Variants in SLC27A2 observed in about 807,000 individuals in gnomAD.
SLC27A2 encodes solute carrier family 27 member 2.
SLC27A2 carries 54 observed loss-of-function variants against 60.0 expected under a neutral mutation model. The observed-to-expected ratio is 0.90, with a 90% CI of 0.72 to 1.13. The LOEUF (loss-of-function observed/expected upper bound fraction) is 1.13, where lower values mean the gene tolerates loss of function less well. SLC27A2 is among the 50% of genes most tolerant of loss of function. The probability of loss-of-function intolerance (pLI) is 0.00; values close to 1 mark genes in which losing one functional copy is unlikely to be tolerated. For synonymous variants in SLC27A2, 297 were observed against 297.6 expected (o/e 1.00, Z 0.02); for missense variants, 739 against 777.6 (o/e 0.95, Z 0.59).
intron 2 of SLC27A2, among the ~76,000 whole-genome samples, chr15:50,200,037 A>C (rs2045052354): frequency 6.6e-6 from 1 of 152,264 alleles, no homozygotes; most frequent in African/African-American, 2.4e-5. Context: ...AAATTATATA[A>C]TAGTTACCAG....
At chr15:50,217,620 C>T (rs1013406603) in intron 4 of SLC27A2, among the ~76,000 whole-genome samples, 1 of 152,064 alleles carries the variant, frequency 6.6e-6, no homozygotes. Context: ...TAGCAGTAGC[C>T]CCCTCACCCT....
chr15:50,184,723 A>G (rs1465025256), intron 1 of SLC27A2, among the ~76,000 whole-genome samples: 4 of 151,940 alleles, frequency 2.6e-5, no homozygotes, highest in African/African-American at 9.7e-5. Context: ...TGTAATCCCA[A>G]CTACCTGGGA....
chr15:50,230,635 T>G (rs1181697946), intron 8 of SLC27A2, among the ~76,000 whole-genome samples: 1 of 152,132 alleles, frequency 6.6e-6, no homozygotes, highest in Non-Finnish European at 1.5e-5. Flanking sequence ...CACATCTTGA[T>G]GTGAGAGGGG....
chr15:50,219,091 T>C (rs1470993914), intron 4 of SLC27A2, among the ~76,000 whole-genome samples: 2 of 152,330 alleles, frequency 1.3e-5, no homozygotes, highest in East Asian at 3.9e-4. Context: ...CAGAATAATG[T>C]GAACACTGAA....
At chr15:50,229,169 G>A in intron 8 of SLC27A2, 127 bp downstream of exon 8, 1 of 634,064 alleles carries the variant, frequency 1.6e-6, no homozygotes, top group Non-Finnish European at 2.8e-6. Flanking sequence ...CTGCCAGGGA[G>A]TAAGGAGCTT....
At chr15:50,215,201 T>C (rs951027627) in intron 4 of SLC27A2, among the ~76,000 whole-genome samples, 11 of 151,948 alleles carry the variant, frequency 7.2e-5, no homozygotes, top group Non-Finnish European at 1.5e-4. Context: ...AATCAAGAAC[T>C]CAACCCCTTT....
chr15:50,190,151 C>G (rs566942491), intron 1 of SLC27A2, among the ~76,000 whole-genome samples: 1 of 152,286 alleles, frequency 6.6e-6, no homozygotes, highest in Non-Finnish European at 1.5e-5. Flanking sequence ...GTACAAAATA[C>G]TGTCATTCCA....
intron 8 of SLC27A2, among the ~76,000 whole-genome samples, chr15:50,229,622 C>A (rs1393902371): frequency 6.6e-6 from 1 of 152,096 alleles, no homozygotes; most frequent in Non-Finnish European, 1.5e-5. Context: ...TGACTGCAGG[C>A]AAATCACTAA....
rs2045352072 is a variant in SLC27A2 at position 50,236,272 on chromosome 15, G to GAGAT, written c.*177_*180dup. 6.1e-6 allele frequency: 3 copies of GAGAT among 487,934 alleles called. No homozygotes were observed. Among genetic ancestry groups the GAGAT allele is most frequent in the Admixed American group, 3.9e-5 (1 of 25,892 alleles). The allele number at this position is 487,934 out of a possible 1,614,324, so 30.2% of individuals were successfully genotyped here. A position where few individuals can be genotyped will look rare whatever the true frequency, so the allele number is the denominator to read the frequency against. ...GAGTCTTTGCAAGTAAAAAGATTTA[G>GAGAT]AGATTATTATTTTTCAGTGTGCACC... is the stretch of plus-strand genomic sequence containing the variant. On this transcript the variant is annotated 3_prime_UTR_variant, in exon 10 of 10. Coordinates refer to ENST00000267842, the MANE Select transcript of SLC27A2 (RefSeq NM_003645.4).
rs150857585 is a variant in SLC27A2 at position 50,224,151 on chromosome 15, G to A, written c.1167+992G>A. 2.2e-4 allele frequency among the ~76,000 whole-genome samples: 33 copies of A among 152,272 alleles called. 1 individual carries two copies. In the East Asian group the frequency reaches 6.4e-3, roughly 29 times the overall value. On this transcript the variant is annotated intron_variant, in intron 5 of 9. Coordinates refer to ENST00000267842, the MANE Select transcript of SLC27A2 (RefSeq NM_003645.4). The stretch of plus-strand genomic sequence containing the variant: ...GATAAGGGAAAAGGATTGTTGAAAG[G>A]ATTAAACAGCCAGGCGCAGCGGCTC...
intron 7 of SLC27A2, among the ~76,000 whole-genome samples, chr15:50,228,368 C>A: frequency 9.5e-6 from 1 of 104,874 alleles, no homozygotes; most frequent in Admixed American, 1.3e-4. Context: ...TAGAATGAGA[C>A]TCTGCCTCAA....
intron 1 of SLC27A2, 124 bp downstream of exon 1, chr15:50,183,029 G>T (rs949237369): frequency 6.1e-6 from 6 of 983,932 alleles, no homozygotes; most frequent in East Asian, 2.4e-5. Flanking sequence ...TATAGAAAAA[G>T]GTTGGCAGTG....
chr15:50,195,683 G>A (rs916660385), intron 1 of SLC27A2, among the ~76,000 whole-genome samples: 2 of 151,530 alleles, frequency 1.3e-5, no homozygotes, highest in Admixed American at 6.6e-5. Context: ...CATCTATCCC[G>A]GTGATATTTC....
chr15:50,215,863 A>AAC (rs1376781441), intron 4 of SLC27A2, among the ~76,000 whole-genome samples: 1 of 152,218 alleles, frequency 6.6e-6, no homozygotes, highest in Non-Finnish European at 1.5e-5. Flanking sequence ...AAAATTCTAG[A>AAC]ACATAACATT....
At chr15:50,222,198 A>G (rs1256550511) in intron 4 of SLC27A2, among the ~76,000 whole-genome samples, 2 of 152,070 alleles carry the variant, frequency 1.3e-5, no homozygotes, top group Non-Finnish European at 2.9e-5. Context: ...AGCAAATCAT[A>G]TTCTTCCCAG....
chr15:50,183,012 C>A, intron 1 of SLC27A2, 107 bp downstream of exon 1: 1 of 1,126,566 alleles, frequency 8.9e-7, no homozygotes, highest in Non-Finnish European at 1.3e-6. Context: ...CAGATCGGAA[C>A]TGTAGGTATA....
intron 2 of SLC27A2, among the ~76,000 whole-genome samples, chr15:50,201,993 A>G (rs1300034582): frequency 6.6e-6 from 1 of 152,226 alleles, no homozygotes; most frequent in East Asian, 1.9e-4. Flanking sequence ...GGAGAATATA[A>G]TTCTGTTTAT....
chr15:50,223,237 A>T, intron 5 of SLC27A2, 78 bp downstream of exon 5: 2 of 1,080,578 alleles, frequency 1.9e-6, no homozygotes, highest in South Asian at 3.2e-5. Context: ...AGTCATGATG[A>T]TGTTATCAGA....
chr15:50,234,701 G>A (rs898524165), intron 9 of SLC27A2, among the ~76,000 whole-genome samples: 1 of 152,048 alleles, frequency 6.6e-6, no homozygotes, highest in Non-Finnish European at 1.5e-5. Flanking sequence ...CAAGGCTGCA[G>A]TGAGGTATGA....
Sources: gnomAD v4.1 joint callset for allele counts (sites outside exome capture counted in the v4.1 genomes callset) on GRCh38, gnomAD v4.1.1 for gene constraint, MANE v1.5 for transcripts, NCBI Gene and HGNC (gene_info 2026-07-23, HGNC 2026-07-21) for gene names.